Variants in ADD2 observed in about 807,000 individuals in gnomAD.
ADD2 encodes adducin 2.
Under a neutral mutation model 83.0 loss-of-function variants are expected in ADD2, and 23 were observed. That is an observed-to-expected ratio of 0.28 (90% CI 0.20 to 0.39). The LOEUF is 0.39. Among genes scored for constraint, ADD2 ranks in the 10% least tolerant of loss-of-function variants. The pLI is 1.00. For missense variants in ADD2, 758 were observed against 944.9 expected (o/e 0.80, Z 2.59); for synonymous variants, 375 against 375.4 (o/e 1.00, Z 0.01).
chr2:70,711,756 T>C (rs927725025), intron 2 of ADD2, among the ~76,000 whole-genome samples: 5 of 152,152 alleles, frequency 3.3e-5, no homozygotes, highest in Non-Finnish European at 5.9e-5. Flanking sequence ...TGTTCCAGAG[T>C]TGGACCCTTT....
intron 1 of ADD2, chr2:70,767,642 C>G: frequency 7.5e-7 from 1 of 1,331,558 alleles, no homozygotes; most frequent in Non-Finnish European, 9.5e-7. Context: ...TCCCACCATC[C>G]CCAAGCAGGG....
intron 1 of ADD2, among the ~76,000 whole-genome samples, chr2:70,713,702 T>C (rs1485941155): frequency 6.6e-6 from 1 of 152,068 alleles, no homozygotes; most frequent in Non-Finnish European, 1.5e-5. Context: ...CTTTGCTGAG[T>C]GCTGGCTGGC....
intron 15 of ADD2, among the ~76,000 whole-genome samples, chr2:70,671,461 G>A (rs962033710): frequency 2.6e-5 from 4 of 151,894 alleles, no homozygotes; most frequent in South Asian, 2.1e-4. Context: ...GTTGTGAGTC[G>A]CAAAAGAAAA....
chr2:70,676,434 C>T lies in ADD2; in HGVS notation c.1593+362G>A. 1 of 1,224,326 alleles carries T rather than the reference C, an allele frequency of 8.2e-7. No homozygotes were observed. The highest frequency in any genetic ancestry group is 1.0e-6 in the Non-Finnish European group (1 of 977,646). 75.8% of individuals were successfully genotyped at this position (1,224,326 alleles called of 1,614,324 possible). On this transcript the variant is annotated intron_variant, in intron 13 of 15. Transcript: ENST00000264436. The surrounding 1 kb of genome is among the most constrained non-coding windows in gnomAD (Gnocchi z 4.8). ...GGTCAGAGACTCTCAGGGCTGGGCA[C>T]ACCTGGGGCACCTGGGAGTCTCCAG...
At chr2:70,725,970 G>A (rs949319523) in intron 1 of ADD2, among the ~76,000 whole-genome samples, 2 of 151,852 alleles carry the variant, frequency 1.3e-5, no homozygotes, top group Non-Finnish European at 2.9e-5. Context: ...GGCGGATCAC[G>A]AGGTCAGGAG....
chr2:70,754,611 C>T (rs1553383508), intron 1 of ADD2, among the ~76,000 whole-genome samples: 1 of 152,156 alleles, frequency 6.6e-6, no homozygotes, highest in Non-Finnish European at 1.5e-5. Flanking sequence ...TCCCCTCCAC[C>T]ACTCTCCTTA....
intron 1 of ADD2, among the ~76,000 whole-genome samples, chr2:70,739,577 C>T (rs954936293): frequency 3.9e-5 from 6 of 152,212 alleles, no homozygotes; most frequent in Non-Finnish European, 8.8e-5. Context: ...AAGACACATG[C>T]ACACATATGT....
chr2:70,734,664 T>C (rs1673436500), intron 1 of ADD2, among the ~76,000 whole-genome samples: 1 of 152,164 alleles, frequency 6.6e-6, no homozygotes, highest in Non-Finnish European at 1.5e-5. Context: ...TTTGGGGATA[T>C]GCTCTGTGGA....
intron 14 of ADD2, among the ~76,000 whole-genome samples, chr2:70,674,060 A>G (rs1245713383): frequency 6.6e-6 from 1 of 152,138 alleles, no homozygotes; most frequent in African/African-American, 2.4e-5. Flanking sequence ...AAGCAAAGAG[A>G]AGGGACAGCT....
chr2:70,716,215 G>A (rs1470055383), intron 1 of ADD2, among the ~76,000 whole-genome samples: 2 of 152,020 alleles, frequency 1.3e-5, no homozygotes, highest in East Asian at 1.9e-4. Flanking sequence ...GGAGCTGTGC[G>A]TTTTTCTCTC....
In ADD2 at chr2:70,714,831, CCTG is replaced by C. The variant is rs1209577406; in HGVS notation, c.-153-1650_-153-1648del. On this transcript the variant is annotated intron_variant, in intron 1 of 15. Transcript: ENST00000264436. ...GTCTGAGGCTGCCCTGTGGCCACAA[CCTG>C]CTAAGATTTGAATTTTCAGAATCTC... Among the ~76,000 whole-genome samples, 3 of 152,328 alleles carry C rather than the reference CCTG, an allele frequency of 2.0e-5. No individual in the cohort carries two copies. The East Asian group carries it at 5.8e-4, about 29-fold the overall frequency.
At chr2:70,674,567 A>G (rs11894520) in intron 14 of ADD2, 111 bp downstream of exon 14, 143,983 of 1,197,268 alleles carry the variant, frequency 0.12, 9,499 homozygotes, top group African/African-American at 0.23. Context: ...ATGGAACTAC[A>G]GTAGAAATAT....
rs568751724 is a variant in ADD2 at position 70,663,034 on chromosome 2, G to T, written c.*391C>A. 2.3e-4 allele frequency: 40 copies of T among 176,394 alleles called. No homozygotes were observed. Among genetic ancestry groups the T allele is most frequent in the African/African-American group, 4.7e-4 (20 of 42,244 alleles). The allele number at this position is 176,394 out of a possible 1,614,324, so 10.9% of individuals were successfully genotyped here. A position where few individuals can be genotyped will look rare whatever the true frequency, so the allele number is the denominator to read the frequency against. Reference sequence around the variant, plus strand: ...ATGGACCTTACTCAGGGGAAGCCTTGACCTCTGATTTAGTCTGAGCCTGTG... The same window carrying T: ...ATGGACCTTACTCAGGGGAAGCCTTTACCTCTGATTTAGTCTGAGCCTGTG... On this transcript the variant is annotated 3_prime_UTR_variant, in exon 16 of 16. Coordinates refer to ENST00000264436, the MANE Select transcript of ADD2 (RefSeq NM_001617.4).
In ADD2 at chr2:70,727,118, C is replaced by A. The variant is rs1673046637; in HGVS notation, c.-153-13934G>T. Among the ~76,000 whole-genome samples the A allele has an allele frequency of 3.3e-5, 5 of 152,298 alleles. No homozygotes were observed. The South Asian group carries it at 1.0e-3, about 32-fold the overall frequency. On this transcript the variant is annotated intron_variant, in intron 1 of 15. Transcript: ENST00000264436. ...TTCTTCACGCTCCGTGGGAAGAATG[C>A]TAGGATTGATTTCCAGTGTCTGCCA...
Position 70,663,285 on chromosome 2 carries a change from G to T in ADD2, c.*140C>A. ...AACTGTAAAACGAAGGGTTGGTCGG[G>T]TGATCTCTAAGTTCCCCTTCCGAAT... On this transcript the variant is annotated 3_prime_UTR_variant, in exon 16 of 16. Transcript: ENST00000264436. 2 of 984,582 alleles carry T rather than the reference G, an allele frequency of 2.0e-6. No individual in the cohort carries two copies. The highest frequency in any genetic ancestry group is 3.0e-6 in the Non-Finnish European group (2 of 664,050). The allele number at this position is 984,582 out of a possible 1,614,324, so 61.0% of individuals were successfully genotyped here. A position where few individuals can be genotyped will look rare whatever the true frequency, so the allele number is the denominator to read the frequency against.
At chr2:70,705,371 C>T (rs1671833121) in intron 3 of ADD2, among the ~76,000 whole-genome samples, 1 of 152,028 alleles carries the variant, frequency 6.6e-6, no homozygotes, top group South Asian at 2.1e-4. Context: ...CCTGCACAGG[C>T]CCTGGCTCTC....
chr2:70,689,964 T>A (rs139446700), intron 8 of ADD2, among the ~76,000 whole-genome samples: 1 of 152,082 alleles, frequency 6.6e-6, no homozygotes, highest in Non-Finnish European at 1.5e-5. Flanking sequence ...TTTGGCGGCA[T>A]GAAGTGAGAG....
intron 13 of ADD2, chr2:70,675,801 G>T: frequency 1.0e-6 from 1 of 985,416 alleles, no homozygotes; most frequent in South Asian, 4.7e-5. Context: ...AAAAACCCAA[G>T]AAGAGGGACT....
Position 70,768,131 on chromosome 2 carries a change from C to T in ADD2, c.-399G>A. 2 of 658,280 alleles carry T rather than the reference C, an allele frequency of 3.0e-6. No individual in the cohort carries two copies. The highest frequency in any genetic ancestry group is 5.1e-6 in the Non-Finnish European group (2 of 390,078). The allele number at this position is 658,280 out of a possible 1,614,324, so 40.8% of individuals were successfully genotyped here. A position where few individuals can be genotyped will look rare whatever the true frequency, so the allele number is the denominator to read the frequency against. ...AGTTCCTTGACAAAAGGCTCGGGTT[C>T]CCGCTAGTCCCTCACAGCCCTGCCG... On this transcript the variant is annotated 5_prime_UTR_variant, in exon 1 of 16. Coordinates refer to ENST00000264436, the MANE Select transcript of ADD2 (RefSeq NM_001617.4).
Sources: allele counts gnomAD v4.1 joint callset (sites outside exome capture counted in the v4.1 genomes callset), GRCh38; gene constraint gnomAD v4.1.1; non-coding constraint Gnocchi (gnomAD v3.1); transcripts MANE v1.5; gene names NCBI Gene and HGNC (gene_info 2026-07-23, HGNC 2026-07-21).